MGMT: variants seen among roughly 807,000 people sequenced by gnomAD.
MGMT encodes the protein O-6-methylguanine-DNA methyltransferase.
A neutral mutation model predicts 15.9 loss-of-function variants in MGMT; 14 were observed. The observed-to-expected ratio is 0.88, with a 90% CI of 0.58 to 1.37. The LOEUF is 1.37. MGMT is among the 40% of genes most tolerant of loss of function. MGMT has a pLI of 0.00. For missense variants in MGMT, 282 were observed against 268.1 expected (o/e 1.05, Z -0.36); for synonymous variants, 130 against 118.2 (o/e 1.10, Z -0.65).
Position 129,707,882 on chromosome 10 carries a change from C to T in MGMT, c.126-13C>T, listed in dbSNP as rs201009706. ...CCCAGAGGTTTACTAAGCCCCTGTT[C>T]TCACTTTTGCAGTGCCGTGGAGGTC... On this transcript the variant is annotated splice_polypyrimidine_tract_variant and intron_variant, in intron 2 of 4. Transcript: ENST00000651593. 3 of 1,610,214 alleles carry T rather than the reference C, an allele frequency of 1.9e-6. No homozygotes were observed. In the East Asian group the frequency reaches 6.7e-5, roughly 36 times the overall value.
chr10:129,712,872 GGGT>G, intron 3 of MGMT, among the ~76,000 whole-genome samples: 1 of 152,158 alleles, frequency 6.6e-6, no homozygotes, highest in South Asian at 2.1e-4. Context: ...CACCCCTGAT[GGGT>G]GCCCAAGTAG....
At chr10:129,481,083 C>G (rs1360467638) in intron 1 of MGMT, among the ~76,000 whole-genome samples, 1 of 152,228 alleles carries the variant, frequency 6.6e-6, no homozygotes, top group Non-Finnish European at 1.5e-5. Flanking sequence ...CTGACCGTGC[C>G]TTCCTCCTAG....
At chr10:129,748,589 C>T (rs1848720565) in intron 3 of MGMT, among the ~76,000 whole-genome samples, 1 of 152,128 alleles carries the variant, frequency 6.6e-6, no homozygotes, top group Non-Finnish European at 1.5e-5. Flanking sequence ...ACTAGGTTTG[C>T]TCCTTGCTAT....
At chr10:129,478,746 G>A (rs1845324184) in intron 1 of MGMT, among the ~76,000 whole-genome samples, 1 of 152,244 alleles carries the variant, frequency 6.6e-6, no homozygotes, top group South Asian at 2.1e-4. Flanking sequence ...GGGCCCAGCT[G>A]TGCAGGGAGC....
intron 2 of MGMT, among the ~76,000 whole-genome samples, chr10:129,578,647 C>T (rs539420953): frequency 1.1e-4 from 17 of 152,190 alleles, no homozygotes; most frequent in African/African-American, 2.9e-4. Context: ...GAAACCTGCA[C>T]GTTGTGCACA....
In MGMT at chr10:129,767,204, G is replaced by A. The variant is rs960877190; in HGVS notation, c.*207G>A. On this transcript the variant is annotated 3_prime_UTR_variant, in exon 5 of 5. Transcript: ENST00000651593. Reference sequence around the variant, plus strand: ...TGTTTCCTTCTCTAACGCTGCCCTTGCTCTATTTTTCATGTCCATTAAAAC... The same window carrying A: ...TGTTTCCTTCTCTAACGCTGCCCTTACTCTATTTTTCATGTCCATTAAAAC... The A allele has an allele frequency of 4.0e-6, 2 of 500,520 alleles. No homozygotes were observed. The highest frequency in any genetic ancestry group is 7.0e-6 in the Non-Finnish European group (2 of 285,016). 31.0% of individuals were successfully genotyped at this position (500,520 alleles called of 1,614,324 possible). A position where few individuals can be genotyped will look rare whatever the true frequency, so the allele number is the denominator to read the frequency against.
At chr10:129,541,639 C>T (rs1453240989) in intron 2 of MGMT, among the ~76,000 whole-genome samples, 3 of 152,152 alleles carry the variant, frequency 2.0e-5, no homozygotes, top group Admixed American at 6.6e-5. Context: ...TAAGGGGGCT[C>T]ATCTTTCACT....
intron 1 of MGMT, among the ~76,000 whole-genome samples, chr10:129,475,250 G>T (rs891148133): frequency 2.4e-4 from 36 of 152,066 alleles, no homozygotes; most frequent in African/African-American, 8.7e-4. Flanking sequence ...TGCAGGCCTG[G>T]ATTCACTCTA....
At chr10:129,524,614 CAG>C (rs1845849028) in intron 1 of MGMT, among the ~76,000 whole-genome samples, 1 of 99,598 alleles carries the variant, frequency 1.0e-5, no homozygotes, top group East Asian at 3.9e-4. Context: ...TTTTTTGAGA[CAG>C]AGTCTCGCTC....
intron 2 of MGMT, among the ~76,000 whole-genome samples, chr10:129,597,106 T>G (rs890258397): frequency 1.3e-5 from 2 of 152,154 alleles, no homozygotes; most frequent in Non-Finnish European, 2.9e-5. Flanking sequence ...TACCTTGCTT[T>G]CTTTTGTGAG....
At chr10:129,678,491 G>A (rs1847810956) in intron 2 of MGMT, among the ~76,000 whole-genome samples, 1 of 152,142 alleles carries the variant, frequency 6.6e-6, no homozygotes, top group Non-Finnish European at 1.5e-5. Flanking sequence ...TGGAGGGGCT[G>A]TGTTAGAAAG....
chr10:129,734,712 CTTA>C (rs1848540553), intron 3 of MGMT, among the ~76,000 whole-genome samples: 1 of 152,026 alleles, frequency 6.6e-6, no homozygotes, highest in South Asian at 2.1e-4. Flanking sequence ...ATAGATAGCA[CTTA>C]TTATTTTGAG....
intron 1 of MGMT, among the ~76,000 whole-genome samples, chr10:129,487,912 GGTGTGTGT>G (rs145304551): frequency 2.2e-5 from 3 of 137,606 alleles, no homozygotes; most frequent in Admixed American, 1.4e-4. Flanking sequence ...ACCATATAGG[GGTGTGTGT>G]GTGTGTGTGT....
chr10:129,644,769 G>A (rs900327597), intron 2 of MGMT, among the ~76,000 whole-genome samples: 4 of 152,232 alleles, frequency 2.6e-5, no homozygotes, highest in East Asian at 3.8e-4. Context: ...CTCCTGGACC[G>A]TGGTTAGTGG....
At chr10:129,621,542 TG>T (rs1847090705) in intron 2 of MGMT, among the ~76,000 whole-genome samples, 1 of 152,146 alleles carries the variant, frequency 6.6e-6, no homozygotes, top group African/African-American at 2.4e-5. Flanking sequence ...TTGGAAAGGA[TG>T]GGGAACAGGG....
chr10:129,475,113 G>A (rs926317368), intron 1 of MGMT, among the ~76,000 whole-genome samples: 1 of 152,134 alleles, frequency 6.6e-6, no homozygotes, highest in Non-Finnish European at 1.5e-5. Context: ...AAGGTCTGGG[G>A]AGGAGGCTTC....
At chr10:129,761,251 G>A (rs868502531) in intron 4 of MGMT, among the ~76,000 whole-genome samples, 2 of 151,826 alleles carry the variant, frequency 1.3e-5, no homozygotes, top group East Asian at 1.9e-4. Context: ...TGTGCCCCCC[G>A]AGGAGAGTAA....
At chr10:129,705,827 G>A (rs1360815649) in intron 2 of MGMT, among the ~76,000 whole-genome samples, 4 of 152,136 alleles carry the variant, frequency 2.6e-5, no homozygotes, top group Admixed American at 6.5e-5. Flanking sequence ...CCTTCTGCAC[G>A]GGGCCCAGGA....
At chr10:129,628,539 G>T (rs533989527) in intron 2 of MGMT, among the ~76,000 whole-genome samples, 1 of 152,116 alleles carries the variant, frequency 6.6e-6, no homozygotes, top group Non-Finnish European at 1.5e-5. Context: ...GTGCATCTCC[G>T]TGCTCACCTT....
Sources: gnomAD v4.1 joint callset for allele counts (sites outside exome capture counted in the v4.1 genomes callset) on GRCh38, gnomAD v4.1.1 for gene constraint, MANE v1.5 for transcripts, NCBI Gene and HGNC (gene_info 2026-07-23, HGNC 2026-07-21) for gene names.